Variants in ATP2A2 observed in about 807,000 individuals in gnomAD.
ATP2A2 encodes the protein sarcoplasmic/endoplasmic reticulum calcium ATPase 2.
Under a neutral mutation model 109.3 loss-of-function variants are expected in ATP2A2, and 14 were observed. The ratio of observed to expected loss-of-function variants is 0.13; its 90% CI spans 0.08 to 0.20. The LOEUF is 0.20. Ranked by LOEUF, ATP2A2 falls within the 10% of genes least tolerant of loss-of-function variation. The pLI is 1.00. For missense variants in ATP2A2, 657 were observed against 1,321.6 expected, an observed-to-expected ratio of 0.50 and a Z score of 7.80; for synonymous variants, 506 against 490.9, an observed-to-expected ratio of 1.03 and a Z score of -0.41.
In ATP2A2 at chr12:110,334,044, T is replaced by C. The variant is rs1410023996; in HGVS notation, c.1320T>C (p.Ala440=). 34 of 1,614,176 alleles carry C rather than the reference T, an allele frequency of 2.1e-5. No homozygotes were observed. The highest frequency in any genetic ancestry group is 2.7e-5 in the Non-Finnish European group (32 of 1,180,034). Residue 440 remains alanine (A), a synonymous_variant, in exon 11 of 20, where the codon GCT becomes GCC. Coordinates refer to ENST00000539276, the MANE Select transcript of ATP2A2 (RefSeq NM_170665.4). Reference sequence around the variant, plus strand: ...GTGTGTATGAAAAAGTTGGAGAAGCTACAGAGACTGCTCTCACTTGCCTAG... The same window carrying C: ...GTGTGTATGAAAAAGTTGGAGAAGCCACAGAGACTGCTCTCACTTGCCTAG... ...AKGVYEKVGE[A]TETALTCLVE...
chr12:110,303,514 G>A (rs377056716), intron 5 of ATP2A2, among the ~76,000 whole-genome samples: 1 of 152,112 alleles, frequency 6.6e-6, no homozygotes, highest in Non-Finnish European at 1.5e-5. Context: ...TGGTTCAAGC[G>A]ATTCTCCTGC....
intron 11 of ATP2A2, among the ~76,000 whole-genome samples, chr12:110,338,208 A>G (rs1169654835): frequency 1.3e-5 from 2 of 152,196 alleles, no homozygotes; most frequent in Non-Finnish European, 2.9e-5. Flanking sequence ...TCTCATTACT[A>G]TAATCAGTAG....
At chr12:110,309,282 C>G (rs960094366) in intron 5 of ATP2A2, among the ~76,000 whole-genome samples, 8 of 149,768 alleles carry the variant, frequency 5.3e-5, no homozygotes, top group African/African-American at 2.0e-4. Flanking sequence ...CTCAGCCTCC[C>G]TAGTAGCAGG....
At chr12:110,343,548 A>G in intron 16 of ATP2A2, 114 bp downstream of exon 16, 2 of 1,220,776 alleles carry the variant, frequency 1.6e-6, no homozygotes, top group Non-Finnish European at 2.4e-6. Flanking sequence ...ATAGGGTAGC[A>G]AAAGACAGAG....
intron 5 of ATP2A2, among the ~76,000 whole-genome samples, chr12:110,300,286 A>T (rs1164780158): frequency 5.6e-5 from 8 of 141,890 alleles, no homozygotes; most frequent in Non-Finnish European, 1.2e-4. Context: ...CCTTGGCTTC[A>T]AGGGGGTCCT....
At chr12:110,331,091 A>G (rs749310136) in intron 8 of ATP2A2, 1 of 151,890 alleles carries the variant, frequency 6.6e-6, no homozygotes, top group Non-Finnish European at 1.5e-5. Context: ...TAATATTACA[A>G]AAATTAGCTG....
chr12:110,315,032 A>T (rs1876515863), intron 5 of ATP2A2, among the ~76,000 whole-genome samples: 1 of 151,980 alleles, frequency 6.6e-6, no homozygotes, highest in African/African-American at 2.4e-5. Flanking sequence ...ATGCCCGGCT[A>T]ATTTTTTGTA....
intron 14 of ATP2A2, among the ~76,000 whole-genome samples, chr12:110,341,865 C>T (rs1227426033): frequency 2.6e-5 from 4 of 152,186 alleles, no homozygotes; most frequent in Non-Finnish European, 5.9e-5. Flanking sequence ...GGGACTCCAT[C>T]TCAGAAAAAT....
chr12:110,281,843 C>T lies in ATP2A2; in HGVS notation c.54C>T (p.Val18=), dbSNP rs1872122322. Residue 18 remains valine (V), a synonymous_variant, in exon 1 of 20, where the codon GTC becomes GTT. Coordinates refer to ENST00000539276, the MANE Select transcript of ATP2A2 (RefSeq NM_170665.4). ...TVEEVLGHFG[V]NESTGLSLEQ... ...AGGAGGTGCTGGGCCACTTCGGCGT[C>T]AACGAGAGTACGGGGCTGAGCCTGG... The T allele has an allele frequency of 6.4e-7, 1 of 1,568,220 alleles. No individual in the cohort carries two copies. The highest frequency in any genetic ancestry group is 8.6e-7 in the Non-Finnish European group (1 of 1,159,136).
At chr12:110,337,181 C>G (rs1878914772) in intron 11 of ATP2A2, among the ~76,000 whole-genome samples, 1 of 152,180 alleles carries the variant, frequency 6.6e-6, no homozygotes, top group Non-Finnish European at 1.5e-5. Flanking sequence ...TCATGCTGCT[C>G]ATTCACTAAG....
rs1344394754 is a variant in ATP2A2, at chr12:110,346,482, C to T, written c.*12C>T. On this transcript the variant is annotated 3_prime_UTR_variant, in exon 20 of 20. Transcript: ENST00000539276. ...TGTTCTGGTCTTGACTGACAGTTTT[C>T]CATAAAGAAGATGTTTAACTTAATC... 1 of 1,614,106 alleles carries T rather than the reference C, an allele frequency of 6.2e-7. No individual in the cohort carries two copies. Among genetic ancestry groups the T allele is most frequent in the Non-Finnish European group, 8.5e-7 (1 of 1,180,018 alleles).
At chr12:110,287,865 C>T (rs537996096) in intron 3 of ATP2A2, among the ~76,000 whole-genome samples, 197 of 152,268 alleles carry the variant, frequency 1.3e-3, no homozygotes, top group African/African-American at 4.5e-3. Context: ...ATCCGCCTGC[C>T]TCAGCTTCCC....
intron 5 of ATP2A2, among the ~76,000 whole-genome samples, chr12:110,314,182 G>T (rs773252050): frequency 2.6e-4 from 39 of 151,962 alleles, no homozygotes; most frequent in Non-Finnish European, 4.1e-4. Context: ...TTCAAAATTA[G>T]CTGGGCATGG....
Position 110,340,806 on chromosome 12 carries a change from C to G in ATP2A2, c.1909C>G (p.Arg637Gly). The G allele has an allele frequency of 6.2e-7, 1 of 1,614,182 alleles. No homozygotes were observed. Among genetic ancestry groups the G allele is most frequent in the Non-Finnish European group, 8.5e-7 (1 of 1,180,046 alleles). Reference protein sequence around the residue: ...NKGTAVAICRRIGIFGQDEDV... With the variant: ...NKGTAVAICRGIGIFGQDEDV... ...GGGCACTGCTGTGGCCATCTGTCGC[C>G]GCATCGGCATCTTCGGGCAGGATGA... Residue 637 changes from arginine (R) to glycine (G), a missense_variant, in exon 14 of 20, where the codon CGC becomes GGC. Physicochemically the swap from Arg to Gly is moderately radical, Grantham distance 125. Around this residue, in one of 9 missense-constraint regions of ATP2A2, gnomAD observed 180 missense variants for 329.1 expected, o/e 0.55. Coordinates refer to ENST00000539276, the MANE Select transcript of ATP2A2 (RefSeq NM_170665.4). The surrounding 1 kb of genome is among the most constrained non-coding windows in gnomAD (Gnocchi z 6.0).
chr12:110,291,908 A>G (rs1047627562), intron 3 of ATP2A2, 112 bp from the exon 4 acceptor site: 1 of 962,282 alleles, frequency 1.0e-6, no homozygotes, highest in South Asian at 1.3e-5. Context: ...TGGCCTCCCA[A>G]AGTGCTGGGA....
At chr12:110,314,354 A>G (rs1002954824) in intron 5 of ATP2A2, among the ~76,000 whole-genome samples, 5 of 147,512 alleles carry the variant, frequency 3.4e-5, no homozygotes, top group African/African-American at 1.3e-4. Context: ...AAAAAAAAGT[A>G]AAACAAAGGG....
Position 110,350,460 on chromosome 12 carries a change from G to T in ATP2A2, c.*3990G>T. 1 of 1,181,650 alleles carries T rather than the reference G, an allele frequency of 8.5e-7. No homozygotes were observed. The highest frequency in any genetic ancestry group is 1.2e-6 in the Non-Finnish European group (1 of 808,980). 73.2% of individuals were successfully genotyped at this position (1,181,650 alleles called of 1,614,324 possible). On this transcript the variant is annotated 3_prime_UTR_variant, in exon 20 of 20. Coordinates refer to ENST00000539276, the MANE Select transcript of ATP2A2 (RefSeq NM_170665.4). ...TCACTTTGTGTTATGTGGAGGAAAT[G>T]TGTATTACCAATGGGGTTGTTAGCT... is the stretch of plus-strand genomic sequence containing the variant.
chr12:110,338,112 C>G (rs1369072284), intron 11 of ATP2A2, among the ~76,000 whole-genome samples: 1 of 152,192 alleles, frequency 6.6e-6, no homozygotes, highest in East Asian at 1.9e-4. Context: ...GTCTTTGTAG[C>G]TGGGTCTTTC....
intron 16 of ATP2A2, among the ~76,000 whole-genome samples, chr12:110,344,258 A>G (rs1194763350): frequency 6.6e-6 from 1 of 152,102 alleles, no homozygotes; most frequent in African/African-American, 2.4e-5. Flanking sequence ...TGATGCTACC[A>G]CATGGGGATA....
Sources: allele counts gnomAD v4.1 joint callset (sites outside exome capture counted in the v4.1 genomes callset), GRCh38; gene constraint gnomAD v4.1.1; regional missense constraint gnomAD v4.1.1; non-coding constraint Gnocchi (gnomAD v3.1); transcripts MANE v1.5; gene names NCBI Gene and HGNC (gene_info 2026-07-23, HGNC 2026-07-21).